TBC1D12: variants seen among roughly 807,000 people sequenced by gnomAD.
TBC1D12 encodes TBC1 domain family, member 12.
A neutral mutation model predicts 86.7 loss-of-function variants in TBC1D12; 56 were observed. The observed-to-expected ratio is 0.65, with a 90% confidence interval of 0.52 to 0.81. The LOEUF (loss-of-function observed/expected upper bound fraction) is 0.81. Ranked by LOEUF, TBC1D12 falls within the 30% of genes least tolerant of loss-of-function variation. TBC1D12 has a pLI of 0.00. For missense variants in TBC1D12, 1,023 were observed against 1,038.8 expected (o/e 0.98, Z 0.21); for synonymous variants, 421 against 411.7 (o/e 1.02, Z -0.27).
intron 11 of TBC1D12, among the ~76,000 whole-genome samples, chr10:94,523,192 CAAAAAAAAA>C (rs33935088): frequency 6.8e-5 from 3 of 44,076 alleles, no homozygotes; most frequent in African/African-American, 2.7e-4. Context: ...AACTCTATCT[CAAAAAAAAA>C]AAAAAAAAAA....
In TBC1D12 at chr10:94,524,728, T is replaced by TAA. The variant is rs766662285; in HGVS notation, c.2000+2291_2000+2292dup. The stretch of plus-strand genomic sequence containing the variant: ...CACTCTAGACAGAGCGAGACTCCAT[T>TAA]AAAAAAAAAAAAAAAAAGATATGTA... On this transcript the variant is annotated intron_variant, in intron 11 of 12. Coordinates refer to ENST00000225235, the MANE Select transcript of TBC1D12 (RefSeq NM_015188.2). Among the ~76,000 whole-genome samples, 217 of 130,816 alleles carry TAA rather than the reference T, an allele frequency of 1.7e-3. 1 individual carries two copies. Among genetic ancestry groups the TAA allele is most frequent in the Non-Finnish European group, 2.9e-3 (177 of 60,554 alleles). The allele number at this position is 130,816 out of a possible 152,430, so 85.8% of individuals were successfully genotyped here.
chr10:94,473,180 C>G (rs974011266), intron 2 of TBC1D12, among the ~76,000 whole-genome samples: 2 of 151,206 alleles, frequency 1.3e-5, no homozygotes, highest in African/African-American at 2.4e-5. Flanking sequence ...TGGAGAAACC[C>G]TGTCTCTACT....
chr10:94,482,165 A>T (rs1240273478), intron 3 of TBC1D12, among the ~76,000 whole-genome samples: 3 of 151,664 alleles, frequency 2.0e-5, no homozygotes, highest in Admixed American at 2.0e-4. Context: ...CCCACCCTCC[A>T]CCCTTAAAGT....
At chr10:94,431,329 C>T (rs946550599) in intron 1 of TBC1D12, among the ~76,000 whole-genome samples, 3 of 151,204 alleles carry the variant, frequency 2.0e-5, no homozygotes, top group African/African-American at 7.3e-5. Flanking sequence ...GCACGAGAAT[C>T]GCTTGAACCC....
At position 94,402,599 on chromosome 10, in the gene TBC1D12, G is replaced by T; in HGVS notation, c.-15G>T. On this transcript the variant is annotated 5_prime_UTR_variant, in exon 1 of 13. Transcript: ENST00000225235. ...TCCTTCTTTGCCTCCTGGGGCGGCC[G>T]CCACCCACCCCCAGATGGTGGGTCC... is the stretch of plus-strand genomic sequence containing the variant. 1 of 1,608,632 alleles carries T rather than the reference G, an allele frequency of 6.2e-7. No individual in the cohort carries two copies. Among genetic ancestry groups the T allele is most frequent in the East Asian group, 2.2e-5 (1 of 44,560 alleles).
chr10:94,446,041 C>T (rs940002311), intron 2 of TBC1D12, among the ~76,000 whole-genome samples: 1 of 152,046 alleles, frequency 6.6e-6, no homozygotes, highest in African/African-American at 2.4e-5. Flanking sequence ...TCCTCTACTC[C>T]CTATTTGTCT....
chr10:94,459,851 C>T (rs180786845), intron 2 of TBC1D12, among the ~76,000 whole-genome samples: 21 of 152,312 alleles, frequency 1.4e-4, no homozygotes, highest in Non-Finnish European at 2.2e-4. Context: ...GAGTGCCGCA[C>T]GCAGCCACGG....
At chr10:94,416,024 A>C (rs991045811) in intron 1 of TBC1D12, among the ~76,000 whole-genome samples, 1 of 152,206 alleles carries the variant, frequency 6.6e-6, no homozygotes, top group African/African-American at 2.4e-5. Context: ...TAATGAGTAG[A>C]TAAGATTGTA....
At chr10:94,420,035 T>A (rs1364539095) in intron 1 of TBC1D12, among the ~76,000 whole-genome samples, 1 of 152,162 alleles carries the variant, frequency 6.6e-6, no homozygotes, top group Non-Finnish European at 1.5e-5. Flanking sequence ...GTGGACCGAA[T>A]GTTTGTGTCC....
intron 3 of TBC1D12, among the ~76,000 whole-genome samples, chr10:94,488,818 G>A (rs1024402112): frequency 1.3e-5 from 2 of 152,050 alleles, no homozygotes; most frequent in Non-Finnish European, 2.9e-5. Flanking sequence ...ACCTGAGATG[G>A]GGGCCTCACC....
intron 8 of TBC1D12, 97 bp downstream of exon 8, chr10:94,510,276 G>A: frequency 1.3e-6 from 1 of 784,476 alleles, no homozygotes; most frequent in Non-Finnish European, 2.0e-6. Flanking sequence ...TTTAAAAAAG[G>A]CAAAACTATA....
At chr10:94,406,500 C>T (rs1208102365) in intron 1 of TBC1D12, among the ~76,000 whole-genome samples, 3 of 152,216 alleles carry the variant, frequency 2.0e-5, no homozygotes, top group Non-Finnish European at 4.4e-5. Context: ...GGAACTGTGA[C>T]ATTCATCTCT....
At chr10:94,442,503 A>C (rs1188506712) in intron 2 of TBC1D12, among the ~76,000 whole-genome samples, 1 of 152,208 alleles carries the variant, frequency 6.6e-6, no homozygotes, top group Non-Finnish European at 1.5e-5. Flanking sequence ...AAATGAGAAG[A>C]GTTGGTACAC....
At chr10:94,526,177 A>G (rs1329121670) in intron 11 of TBC1D12, among the ~76,000 whole-genome samples, 1 of 152,132 alleles carries the variant, frequency 6.6e-6, no homozygotes, top group Non-Finnish European at 1.5e-5. Flanking sequence ...CATGCTCATA[A>G]TCCTAGCACT....
chr10:94,493,351 A>ATTTTTTTT lies in TBC1D12; in HGVS notation c.1212-12_1212-5dup. The ATTTTTTTT allele has an allele frequency of 6.3e-7, 1 of 1,575,350 alleles. No individual in the cohort carries two copies. On this transcript the variant is annotated splice_polypyrimidine_tract_variant and intron_variant, in intron 3 of 12. Transcript: ENST00000225235. ...TTTAAAAATTGTCTTGACTTAAGTA[A>ATTTTTTTT]TTTTTTTTTCCAGAAATCTTCCTGC...
chr10:94,403,295 A>C lies in TBC1D12; in HGVS notation c.682A>C (p.Ser228Arg). Residue 228 changes from serine (S) to arginine (R), a missense_variant, in exon 1 of 13, where the codon AGC becomes CGC. Physicochemically the swap from Ser to Arg is moderately radical, Grantham distance 110. Around this residue, in one of 2 missense-constraint regions of TBC1D12, gnomAD observed 628 missense variants for 531.1 expected, o/e 1.18. Coordinates refer to ENST00000225235, the MANE Select transcript of TBC1D12 (RefSeq NM_015188.2). The part of the protein sequence containing the change: ...DSGDSPASSC[S>R]SSEDSEQRGV... ...GGGGGACAGCCCCGCCAGCAGCTGC[A>C]GCAGTAGCGAGGACTCAGAGCAGCG... The C allele has an allele frequency of 6.7e-7, 1 of 1,503,582 alleles. No homozygotes were observed. 93.1% of individuals were successfully genotyped at this position (1,503,582 alleles called of 1,614,324 possible). A position where few individuals can be genotyped will look rare whatever the true frequency, so the allele number is the denominator to read the frequency against.
intron 6 of TBC1D12, among the ~76,000 whole-genome samples, chr10:94,503,109 C>A (rs544131792): frequency 3.3e-5 from 5 of 152,156 alleles, no homozygotes; most frequent in African/African-American, 9.7e-5. Flanking sequence ...CATGTTAGTA[C>A]ATACAAGTCT....
Position 94,507,259 on chromosome 10 carries a change from A to AC in TBC1D12, c.1520-3dup. 1 of 1,600,714 alleles carries AC rather than the reference A, an allele frequency of 6.2e-7. No individual in the cohort carries two copies. On this transcript the variant is annotated splice_polypyrimidine_tract_variant and splice_region_variant and intron_variant, in intron 6 of 12. Coordinates refer to ENST00000225235, the MANE Select transcript of TBC1D12 (RefSeq NM_015188.2). The stretch of plus-strand genomic sequence containing the variant: ...TTCATACATTTTTGTTCTCCCCCCA[A>AC]CCCCCAGAACTTTATGAAATCTTCC...
intron 1 of TBC1D12, among the ~76,000 whole-genome samples, chr10:94,419,427 C>A (rs933344895): frequency 6.6e-6 from 1 of 152,082 alleles, no homozygotes. Context: ...GTAATCTTAC[C>A]ACTTTGGGAA....
Sources: gnomAD v4.1 joint callset for allele counts (sites outside exome capture counted in the v4.1 genomes callset) on GRCh38, gnomAD v4.1.1 for gene constraint, gnomAD v4.1.1 regional missense constraint, MANE v1.5 for transcripts, NCBI Gene and HGNC (gene_info 2026-07-23, HGNC 2026-07-21) for gene names.